The following FMR1NB variants were observed in gnomAD, a reference collection of about 807,000 sequenced individuals.
FMR1NB encodes FMR1 neighbor protein.
A neutral mutation model predicts 16.8 loss-of-function variants in FMR1NB; 10 were observed. The observed-to-expected ratio is 0.60, with a 90% CI of 0.37 to 1.01. The LOEUF (loss-of-function observed/expected upper bound fraction) is 1.01, where lower values mean the gene tolerates loss of function less well. Among genes scored for constraint, FMR1NB ranks in the 50% least tolerant of loss-of-function variants. The pLI is 0.01. For missense variants in FMR1NB, 205 were observed against 204.8 expected, an observed-to-expected ratio of 1.00 and a Z score of 0.00; for synonymous variants, 83 against 79.1, an observed-to-expected ratio of 1.05 and a Z score of -0.26.
intron 2 of FMR1NB, among the ~76,000 whole-genome samples, chrX:148,005,932 T>C (rs145029821): frequency 0.013 from 1,506 of 112,404 alleles, 17 homozygotes; most frequent in African/African-American, 0.047. Flanking sequence ...TATAAGAGAT[T>C]GAACCGAATC....
chrX:148,026,621 CTTT>C lies in FMR1NB; in HGVS notation c.*134_*136del, dbSNP rs1276643239. 1 of 111,668 alleles carries C rather than the reference CTTT, an allele frequency of 9.0e-6. No individual in the cohort carries two copies. The highest frequency in any genetic ancestry group is 3.3e-5 in the African/African-American group (1 of 30,758). The allele number at this position is 111,668 out of a possible 1,213,427, so 9.2% of individuals were successfully genotyped here. A position where few individuals can be genotyped will look rare whatever the true frequency, so the allele number is the denominator to read the frequency against. ...TTGATTCTTATTTTTGTCATGTTTA[CTTT>C]CAAACATGAAATAAAATTGAGTTCT... On this transcript the variant is annotated 3_prime_UTR_variant, in exon 6 of 6. Coordinates refer to ENST00000370467, the MANE Select transcript of FMR1NB (RefSeq NM_152578.3).
At chrX:148,015,616 T>G (rs1557190075) in intron 4 of FMR1NB, among the ~76,000 whole-genome samples, 1 of 112,275 alleles carries the variant, frequency 8.9e-6, no homozygotes, top group African/African-American at 3.2e-5. Flanking sequence ...TCCATGTGTT[T>G]GTATAGTTTC....
intron 4 of FMR1NB, among the ~76,000 whole-genome samples, chrX:148,011,871 T>C (rs1173369104): frequency 8.9e-6 from 1 of 111,838 alleles, no homozygotes; most frequent in Non-Finnish European, 1.9e-5. Context: ...TCTAGTGTGA[T>C]ATGAACCTGG....
At chrX:148,004,880 C>A (rs782702021) in intron 2 of FMR1NB, among the ~76,000 whole-genome samples, 2 of 112,264 alleles carry the variant, frequency 1.8e-5, no homozygotes, top group African/African-American at 6.5e-5. Flanking sequence ...GTAATTTGAG[C>A]TTGAAAGTTA....
chrX:147,996,628 A>G (rs1557188180), intron 1 of FMR1NB, among the ~76,000 whole-genome samples: 1 of 111,435 alleles, frequency 9.0e-6, no homozygotes, highest in African/African-American at 3.3e-5. Context: ...AAATGAAAAT[A>G]CAAGATCTCT....
chrX:147,994,625 G>A (rs1299999718), intron 1 of FMR1NB, among the ~76,000 whole-genome samples: 1 of 111,830 alleles, frequency 8.9e-6, no homozygotes, highest in Non-Finnish European at 1.9e-5. Context: ...CTTAGTCAGC[G>A]AGTTCTTCAT....
chrX:147,981,591 G>A lies in FMR1NB; in HGVS notation c.189G>A (p.Met63Ile). 8.3e-7 allele frequency: 1 copy of A among 1,211,739 alleles called. No homozygotes were observed. Among genetic ancestry groups the A allele is most frequent in the Non-Finnish European group, 1.1e-6 (1 of 895,488 alleles). The change falls in exon 1 of 6, where the codon ATG (methionine) becomes ATA (isoleucine). Residue 63 changes from methionine to isoleucine, a missense_variant. Physicochemically the swap from Met to Ile is conservative, Grantham distance 10 (BLOSUM62 1). Coordinates refer to ENST00000370467, the MANE Select transcript of FMR1NB (RefSeq NM_152578.3). ...PQPGWRESLK[M>I]RVSKPFGMLM... Reference sequence around the variant, plus strand: ...CAGGATGGCGGGAATCTCTAAAGATGCGGGTCAGCAAACCCTTTGGGATGC... The same window carrying A: ...CAGGATGGCGGGAATCTCTAAAGATACGGGTCAGCAAACCCTTTGGGATGC...
chrX:147,999,558 C>T (rs2044560701), intron 1 of FMR1NB, among the ~76,000 whole-genome samples: 1 of 109,818 alleles, frequency 9.1e-6, no homozygotes. Context: ...ACTTAAATAT[C>T]ATCTCCTCAG....
chrX:148,016,075 A>C (rs1557190112), intron 4 of FMR1NB, among the ~76,000 whole-genome samples: 2 of 111,511 alleles, frequency 1.8e-5, no homozygotes, highest in African/African-American at 3.3e-5. Context: ...TTGTCTCTTC[A>C]TATAGTTTTG....
chrX:148,003,167 T>C (rs1557188774), intron 1 of FMR1NB, 34 bp from the exon 2 acceptor site: 1 of 1,190,636 alleles, frequency 8.4e-7, no homozygotes, highest in Non-Finnish European at 1.1e-6. Flanking sequence ...AAATGCTTTA[T>C]ATGTTGGGAT....
chrX:148,026,028 C>A (rs1475086001), intron 5 of FMR1NB: 3 of 110,996 alleles, frequency 2.7e-5, no homozygotes, highest in African/African-American at 9.8e-5. Flanking sequence ...AAAAGAAAAT[C>A]TTTATATAAG....
rs782354166 is a variant in FMR1NB at position 148,002,594 on chromosome X, A to G, written c.278-607A>G. ...TTGTAAACAGCCTAAATGTTTTCCT[A>G]TGGAGAAATTGCTAACTGAGTTATA... On this transcript the variant is annotated intron_variant, in intron 1 of 5. Transcript: ENST00000370467. Among the ~76,000 whole-genome samples the G allele has an allele frequency of 8.2e-4, 92 of 112,331 alleles. No individual in the cohort carries two copies. The Middle Eastern group carries it at 0.014, about 17-fold the overall frequency.
intron 1 of FMR1NB, among the ~76,000 whole-genome samples, chrX:147,991,897 A>G (rs2044507492): frequency 9.2e-6 from 1 of 108,159 alleles, no homozygotes. Context: ...CTGTTTAACA[A>G]AGCACATCTT....
chrX:147,996,112 G>T (rs1443231883), intron 1 of FMR1NB, among the ~76,000 whole-genome samples: 1 of 111,526 alleles, frequency 9.0e-6, no homozygotes, highest in Non-Finnish European at 1.9e-5. Flanking sequence ...TTTAAAAAGG[G>T]AACTGTACCA....
At chrX:147,990,644 C>T (rs1236857699) in intron 1 of FMR1NB, among the ~76,000 whole-genome samples, 1 of 108,852 alleles carries the variant, frequency 9.2e-6, no homozygotes, top group African/African-American at 3.6e-5. Flanking sequence ...AAATATAAAA[C>T]AAATTATTAT....
intron 4 of FMR1NB, among the ~76,000 whole-genome samples, chrX:148,012,856 A>G (rs782612356): frequency 1.8e-5 from 2 of 112,430 alleles, no homozygotes; most frequent in East Asian, 5.6e-4. Flanking sequence ...ATGTTTGCAT[A>G]TCTCATTATA....
At chrX:147,981,770 A>G in intron 1 of FMR1NB, 91 bp downstream of exon 1, 3 of 972,240 alleles carry the variant, frequency 3.1e-6, no homozygotes, top group Non-Finnish European at 4.1e-6. Flanking sequence ...ACCGGCACCA[A>G]CCATAGGCCT....
chrX:147,995,280 T>A (rs905449587), intron 1 of FMR1NB, among the ~76,000 whole-genome samples: 13 of 111,998 alleles, frequency 1.2e-4, no homozygotes, highest in Non-Finnish European at 2.4e-4. Flanking sequence ...GAAGGTAAAA[T>A]AATTGTCCAT....
At chrX:147,992,786 G>A (rs1363819752) in intron 1 of FMR1NB, among the ~76,000 whole-genome samples, 18 of 72,891 alleles carry the variant, frequency 2.5e-4, no homozygotes, top group Admixed American at 1.8e-3. Context: ...ATGGGGTGGC[G>A]GGGCAGAGGC....
Sources: allele counts gnomAD v4.1 joint callset (sites outside exome capture counted in the v4.1 genomes callset), GRCh38; gene constraint gnomAD v4.1.1; transcripts MANE v1.5; gene names NCBI Gene and HGNC (gene_info 2026-07-23, HGNC 2026-07-21).